HP1BP3: variants seen among roughly 807,000 people sequenced by gnomAD.
HP1BP3 encodes the protein heterochromatin protein 1-binding protein 3.
In HP1BP3, 12 loss-of-function variants were observed where a neutral mutation model predicts 62.5. The observed-to-expected ratio is 0.19, with a 90% CI of 0.12 to 0.31. The LOEUF is 0.31. Among genes scored for constraint, HP1BP3 ranks in the 10% least tolerant of loss-of-function variants. HP1BP3 has a pLI of 1.00. For missense variants in HP1BP3, 502 were observed against 651.8 expected (o/e 0.77, Z 2.50); for synonymous variants, 260 against 237.8 (o/e 1.09, Z -0.86).
intron 1 of HP1BP3, among the ~76,000 whole-genome samples, chr1:20,781,922 G>A (rs187325714): frequency 5.3e-5 from 8 of 152,062 alleles, no homozygotes; most frequent in African/African-American, 1.2e-4. Context: ...CACCGCACCC[G>A]GCCCATTTTT....
At position 20,780,537 on chromosome 1, in the gene HP1BP3, C is replaced by A; in HGVS notation, c.-97G>T. ...TAATGGTTTCAGTGTGGTGAAGAAT[C>A]AACCTAAAGCACAGAAAAGACCTGG... On this transcript the variant is annotated 5_prime_UTR_variant, in exon 2 of 13. Coordinates refer to ENST00000438032, the MANE Select transcript of HP1BP3 (RefSeq NM_001372052.1). The A allele has an allele frequency of 1.2e-6, 1 of 832,300 alleles. No individual in the cohort carries two copies. Among genetic ancestry groups the A allele is most frequent in the Non-Finnish European group, 2.0e-6 (1 of 489,378 alleles). The allele number at this position is 832,300 out of a possible 1,614,324, so 51.6% of individuals were successfully genotyped here.
At chr1:20,747,383 C>T (rs1281475944) in intron 11 of HP1BP3, among the ~76,000 whole-genome samples, 161 bp downstream of exon 11, 5 of 152,080 alleles carry the variant, frequency 3.3e-5, no homozygotes, top group African/African-American at 1.2e-4. Context: ...AGTACATGCG[C>T]ATTTGGGTAT....
intron 8 of HP1BP3, among the ~76,000 whole-genome samples, chr1:20,763,346 A>C (rs536749428): frequency 9.8e-5 from 15 of 152,352 alleles, no homozygotes; most frequent in East Asian, 3.9e-4. Flanking sequence ...AGCATATAAG[A>C]AGCATGAAAA....
At chr1:20,777,980 A>C (rs1407979413) in intron 3 of HP1BP3, among the ~76,000 whole-genome samples, 2 of 152,332 alleles carry the variant, frequency 1.3e-5, no homozygotes, top group African/African-American at 4.8e-5. Context: ...TTCCACAATA[A>C]AATGTATTTT....
intron 1 of HP1BP3, 85 bp from the exon 2 acceptor site, chr1:20,780,625 A>G (rs1182218352): frequency 3.5e-6 from 2 of 571,064 alleles, no homozygotes; most frequent in Non-Finnish European, 6.3e-6. Flanking sequence ...ATCCAAAGGG[A>G]AAAAATATAA....
At position 20,763,347 on chromosome 1, in the gene HP1BP3, A is replaced by G. The variant is rs555063071; in HGVS notation, c.890+2030T>C. On this transcript the variant is annotated intron_variant, in intron 8 of 12. Transcript: ENST00000438032. ...CTACCACTATACTCAGCATATAAGA[A>G]GCATGAAAATATCAGCACATTAATT... Among the ~76,000 whole-genome samples the G allele has an allele frequency of 3.9e-5, 6 of 152,364 alleles. No homozygotes were observed. In the South Asian group the frequency reaches 1.2e-3, roughly 32 times the overall value.
In HP1BP3 at chr1:20,745,199, C is replaced by T. The variant is rs1007672944; in HGVS notation, c.1368-108G>A. 67 of 1,261,212 alleles carry T rather than the reference C, an allele frequency of 5.3e-5. No individual in the cohort carries two copies. The East Asian group carries it at 1.3e-3, about 24-fold the overall frequency. 78.1% of individuals were successfully genotyped at this position (1,261,212 alleles called of 1,614,324 possible). ...AAACGGCATATGAAGTGGTCACTTA[C>T]GTTAAGAATAGGAATGTGACAATTT... On this transcript the variant is annotated intron_variant, in intron 12 of 12. Coordinates refer to ENST00000438032, the MANE Select transcript of HP1BP3 (RefSeq NM_001372052.1).
chr1:20,759,306 G>A (rs1488238351), intron 8 of HP1BP3, among the ~76,000 whole-genome samples: 1 of 152,176 alleles, frequency 6.6e-6, no homozygotes, highest in Non-Finnish European at 1.5e-5. Context: ...AGGCTGATGA[G>A]GCAGAAGAAT....
At chr1:20,783,769 CAAAAAAAAAAA>C (rs1164930528) in intron 1 of HP1BP3, among the ~76,000 whole-genome samples, 2 of 53,134 alleles carry the variant, frequency 3.8e-5, no homozygotes, top group African/African-American at 8.4e-5. Flanking sequence ...GACTCTGTCT[CAAAAAAAAAAA>C]AAAAAAAAAA....
chr1:20,752,952 T>C (rs571013434), intron 9 of HP1BP3, among the ~76,000 whole-genome samples: 1 of 152,282 alleles, frequency 6.6e-6, no homozygotes, highest in South Asian at 2.1e-4. Context: ...AACACGTTTT[T>C]TTTTTTTGAG....
chr1:20,781,651 G>C (rs1205047679), intron 1 of HP1BP3, among the ~76,000 whole-genome samples: 3 of 151,996 alleles, frequency 2.0e-5, no homozygotes, highest in Non-Finnish European at 2.9e-5. Context: ...TTTTGAGACG[G>C]AGTCTTGCTC....
intron 4 of HP1BP3, 166 bp downstream of exon 4, chr1:20,776,431 G>T: frequency 1.7e-6 from 1 of 605,394 alleles, no homozygotes; most frequent in Non-Finnish European, 2.8e-6. Context: ...ATTCTAACAG[G>T]TCAAACAACT....
At chr1:20,773,376 G>T in intron 5 of HP1BP3, 75 bp downstream of exon 5, 1 of 1,323,390 alleles carries the variant, frequency 7.6e-7, no homozygotes, top group South Asian at 1.5e-5. Context: ...TGTCTAGACA[G>T]ATATATGCCA....
At position 20,745,030 on chromosome 1, in the gene HP1BP3, A is replaced by T. The variant is rs915970580; in HGVS notation, c.1429T>A (p.Ser477Thr). ...GKAASVKQRG[S>T]KPAPKVSAAQ... ...GCTGAGACTTTAGGTGCAGGTTTGG[A>T]CCCTCTCTGCTTCACAGATGCGGCC... Residue 477 changes from serine (S) to threonine (T), a missense_variant, in exon 13 of 13, where the codon TCC (serine) becomes ACC (threonine). Physicochemically the swap from Ser to Thr is moderately conservative, Grantham distance 58 (BLOSUM62 1). Coordinates refer to ENST00000438032, the MANE Select transcript of HP1BP3 (RefSeq NM_001372052.1). The T allele has an allele frequency of 6.2e-7, 1 of 1,613,862 alleles. No individual in the cohort carries two copies.
In HP1BP3 at chr1:20,779,332, C is replaced by G. The variant is rs539221976; in HGVS notation, c.196+480G>C. 6.0e-4 allele frequency among the ~76,000 whole-genome samples: 91 copies of G among 152,144 alleles called. 1 individual carries two copies. The highest frequency in any genetic ancestry group is 5.0e-4 in the Non-Finnish European group (34 of 68,016). ...ACTCCATGTTGATGGGTCTATGTTT[C>G]TTTCCATTTGTTATGCTCCCACCAC... is the stretch of plus-strand genomic sequence containing the variant. On this transcript the variant is annotated intron_variant, in intron 3 of 12. Transcript: ENST00000438032.
chr1:20,765,570 C>A (rs766445948), intron 7 of HP1BP3, 39 bp from the exon 8 acceptor site: 2 of 1,534,792 alleles, frequency 1.3e-6, no homozygotes, highest in East Asian at 4.6e-5. Context: ...CATTATAGAA[C>A]GTAAATGTTT....
chr1:20,785,834 A>G (rs1417350485), intron 1 of HP1BP3, among the ~76,000 whole-genome samples: 2 of 152,264 alleles, frequency 1.3e-5, no homozygotes, highest in Non-Finnish European at 2.9e-5. Flanking sequence ...TGAGAAGAGC[A>G]ATGAAAAATC....
At position 20,744,064 on chromosome 1, in the gene HP1BP3, C is replaced by T. The variant is rs1451950017; in HGVS notation, c.*733G>A. 6.6e-6 allele frequency: 1 copy of T among 152,026 alleles called. No homozygotes were observed. The highest frequency in any genetic ancestry group is 2.4e-5 in the African/African-American group (1 of 41,352). 9.4% of individuals were successfully genotyped at this position (152,026 alleles called of 1,614,324 possible). A position where few individuals can be genotyped will look rare whatever the true frequency, so the allele number is the denominator to read the frequency against. ...GGGGCACCTGAGCAAGACTCCGTCT[C>T]AAAACAACGACGACAACAACAACAA... On this transcript the variant is annotated 3_prime_UTR_variant, in exon 13 of 13. Transcript: ENST00000438032.
intron 8 of HP1BP3, among the ~76,000 whole-genome samples, chr1:20,759,385 A>G (rs1349113504): frequency 6.6e-6 from 1 of 152,208 alleles, no homozygotes; most frequent in East Asian, 1.9e-4. Flanking sequence ...CCTGGGCAAC[A>G]AGAGCAAAAC....
Sources: gnomAD v4.1 joint callset for allele counts (sites outside exome capture counted in the v4.1 genomes callset) on GRCh38, gnomAD v4.1.1 for gene constraint, MANE v1.5 for transcripts, NCBI Gene and HGNC (gene_info 2026-07-23, HGNC 2026-07-21) for gene names.